Variants in FMO5 observed in about 807,000 individuals in gnomAD.
FMO5 encodes the protein flavin containing dimethylaniline monoxygenase 5.
Under a neutral mutation model 43.6 loss-of-function variants are expected in FMO5, and 51 were observed. The ratio of observed to expected loss-of-function variants is 1.17; its 90% CI spans 0.93 to 1.48. The LOEUF (loss-of-function observed/expected upper bound fraction) is 1.48. Among genes scored for constraint, FMO5 ranks in the 40% most tolerant of loss-of-function variants. The pLI is 0.00. For missense variants in FMO5, 644 were observed against 643.0 expected (o/e 1.00, Z -0.02); for synonymous variants, 187 against 216.5 (o/e 0.86, Z 1.20).
At chr1:147,203,619 T>C in intron 6 of FMO5, 1 of 1,231,840 alleles carries the variant, frequency 8.1e-7, no homozygotes, top group Non-Finnish European at 1.2e-6. Context: ...GCAAACTTCT[T>C]AATAGCGTAC....
chr1:147,209,147 C>G, intron 5 of FMO5, 96 bp from the exon 6 acceptor site: 1 of 996,710 alleles, frequency 1.0e-6, no homozygotes, highest in Non-Finnish European at 1.5e-6. Context: ...AGGCCCGGCG[C>G]GGTGGCTCAC....
At chr1:147,202,339 A>G (rs1182125919) in intron 6 of FMO5, among the ~76,000 whole-genome samples, 1 of 652 alleles carries the variant, frequency 1.5e-3, no homozygotes, top group Middle Eastern at 0.25. Context: ...TTTTTTTGAG[A>G]CAGAGTCTCT....
Position 147,187,068 on chromosome 1 carries a change from A to G in FMO5, c.1434T>C (p.Pro478=), listed in dbSNP as rs1323213912. The G allele has an allele frequency of 1.1e-5, 18 of 1,614,112 alleles. No individual in the cohort carries two copies. The highest frequency in any genetic ancestry group is 1.4e-5 in the Non-Finnish European group (17 of 1,180,022). Residue 478 remains proline (P), a synonymous_variant, in exon 9 of 9, where the codon CCT becomes CCC. Transcript: ENST00000254090. ...CTPIHYRVQG[P]GKWDGARKAI... ...CTTTTCGAGCCCCATCCCACTTTCC[A>G]GGGCCCTGTACACGATAGTGGATTG...
rs1553923897 is a variant in FMO5 at position 147,212,408 on chromosome 1, G to T, written c.615C>A (p.Ser205Arg). Residue 205 changes from serine (S) to arginine (R), a missense_variant, in exon 5 of 9, where the codon AGC becomes AGA. Transcript: ENST00000254090. ...NSGGDLAVEI[S>R]QTAKQVFLST... ...TGATTCAAACCTGCTTGGCTGTTTG[G>T]CTAATCTCTACAGCCAGATCCCCTC... The T allele has an allele frequency of 4.3e-6, 7 of 1,613,916 alleles. No individual in the cohort carries two copies. The highest frequency in any genetic ancestry group is 1.6e-4 in the Middle Eastern group (1 of 6,084).
Position 147,224,994 on chromosome 1 carries a change from T to C in FMO5, c.36A>G (p.Gly12=), listed in dbSNP as rs1340804947. Residue 12 remains glycine (G), a synonymous_variant, in exon 2 of 9, where the codon GGA becomes GGG. Coordinates refer to ENST00000254090, the MANE Select transcript of FMO5 (RefSeq NM_001461.4). ...ACTTGATGGAAGAGAGCCCGCTCAC[T>C]CCTCCCCCAATCACAGCAATTCTTT... is the stretch of plus-strand genomic sequence containing the variant. ...TKKRIAVIGG[G]VSGLSSIKCC... is the part of the protein sequence containing the mutation. 1.7e-5 allele frequency: 27 copies of C among 1,613,638 alleles called. No individual in the cohort carries two copies. Among genetic ancestry groups the C allele is most frequent in the Non-Finnish European group, 2.3e-5 (27 of 1,179,930 alleles).
rs782372330 is a variant in FMO5 at position 147,215,786 on chromosome 1, C to A, written c.292G>T (p.Glu98Ter). The change falls in exon 3 of 9, where the codon GAA becomes TAA. Residue 98 changes from glutamate (E) to a stop codon, truncating the protein, a stop_gained. Transcript: ENST00000254090. LOFTEE classifies it high-confidence loss of function. ...VLEYFRMYAKEFDLLKYIRFK... is the reference protein window; with the variant it reads ...VLEYFRMYAK ...CGAATATACTTTAGAAGGTCAAATT[C>A]TTTGGCATACATCCTGAAATACTCC... 1.9e-6 allele frequency: 3 copies of A among 1,610,310 alleles called. No individual in the cohort carries two copies. The highest frequency in any genetic ancestry group is 3.4e-5 in the Admixed American group (2 of 59,066).
At position 147,203,774 on chromosome 1, in the gene FMO5, T is replaced by C. The variant is rs894297495; in HGVS notation, c.831-2270A>G. On this transcript the variant is annotated intron_variant, in intron 6 of 8. Coordinates refer to ENST00000254090, the MANE Select transcript of FMO5 (RefSeq NM_001461.4). ...ACCATCATCTACTGCCCTTTCTATG[T>C]CATCCATCAGATTGTCTGTAGAGCC... The C allele has an allele frequency of 7.2e-6, 11 of 1,538,328 alleles. No individual in the cohort carries two copies. In the Admixed American group the frequency reaches 1.3e-4, roughly 19 times the overall value.
Position 147,187,093 on chromosome 1 carries a change from G to A in FMO5, c.1409C>T (p.Pro470Leu), listed in dbSNP as rs781893420. The A allele has an allele frequency of 6.2e-7, 1 of 1,614,004 alleles. No individual in the cohort carries two copies. Among genetic ancestry groups the A allele is most frequent in the Non-Finnish European group, 8.5e-7 (1 of 1,180,034 alleles). The change falls in exon 9 of 9, where the codon CCA (proline) becomes CTA (leucine). Residue 470 changes from proline to leucine, a missense_variant. Transcript: ENST00000254090. ...AGGGCCCTGTACACGATAGTGGATT[G>A]GAGTGCAGGGTCCCAGTAATAAGTG... ...ALHLLLGPCT[P>L]IHYRVQGPGK...
intron 2 of FMO5, 105 bp downstream of exon 2, chr1:147,224,790 G>A (rs918624054): frequency 1.9e-5 from 21 of 1,079,544 alleles, no homozygotes; most frequent in African/African-American, 9.3e-5. Context: ...GATTACAGGC[G>A]TGTGCCAACC....
At chr1:147,206,144 C>T (rs2101887926) in intron 6 of FMO5, among the ~76,000 whole-genome samples, 1 of 150,694 alleles carries the variant, frequency 6.6e-6, no homozygotes, top group African/African-American at 2.5e-5. Flanking sequence ...GACATTTATG[C>T]AGCCAACAGA....
rs191096932 is a variant in FMO5 at position 147,199,014 on chromosome 1, A to C, written c.1183+2138T>G. Among the ~76,000 whole-genome samples the C allele has an allele frequency of 2.1e-3, 323 of 152,290 alleles. 2 individuals carry two copies. Among genetic ancestry groups the C allele is most frequent in the Non-Finnish European group, 3.1e-3 (212 of 68,016 alleles). ...AGTTTTGAAGGAAAGAAAGTTGCTG[A>C]GTGAAAATAAAACACTTGCAAGGGC... is the stretch of plus-strand genomic sequence containing the variant. On this transcript the variant is annotated intron_variant, in intron 7 of 8. Coordinates refer to ENST00000254090, the MANE Select transcript of FMO5 (RefSeq NM_001461.4).
intron 6 of FMO5, chr1:147,204,752 C>G: frequency 6.5e-7 from 1 of 1,531,322 alleles, no homozygotes; most frequent in East Asian, 2.2e-5. Flanking sequence ...AACAACTTCT[C>G]CAAGTGGTTG....
intron 4 of FMO5, 68 bp downstream of exon 4, chr1:147,213,240 C>T (rs1661377489): frequency 7.8e-7 from 1 of 1,274,644 alleles, no homozygotes; most frequent in South Asian, 1.8e-5. Flanking sequence ...AGACCACAAT[C>T]CTCCCATTCC....
intron 2 of FMO5, among the ~76,000 whole-genome samples, chr1:147,222,146 G>A (rs890878630): frequency 6.6e-6 from 1 of 152,196 alleles, no homozygotes; most frequent in African/African-American, 2.4e-5. Context: ...GAGGTGAGCA[G>A]ATCACTTGAG....
intron 6 of FMO5, among the ~76,000 whole-genome samples, chr1:147,206,937 A>T (rs1411943559): frequency 1.9e-4 from 29 of 151,662 alleles, no homozygotes; most frequent in African/African-American, 6.1e-4. Context: ...GTATAATAAA[A>T]ATATATATAT....
chr1:147,208,790 G>T, intron 6 of FMO5, 62 bp downstream of exon 6: 1 of 1,398,602 alleles, frequency 7.2e-7, no homozygotes, highest in Non-Finnish European at 1.0e-6. Flanking sequence ...ATTAGCCAGT[G>T]TGAAGAGTCC....
chr1:147,215,457 T>C (rs971380954), intron 3 of FMO5: 2 of 289,144 alleles, frequency 6.9e-6, no homozygotes, highest in African/African-American at 2.2e-5. Context: ...CCTTCTGTAA[T>C]GGGGAAAACA....
At chr1:147,195,641 A>G (rs1183671490) in intron 7 of FMO5, among the ~76,000 whole-genome samples, 1 of 152,174 alleles carries the variant, frequency 6.6e-6, no homozygotes, top group Non-Finnish European at 1.5e-5. Context: ...GCTTAATAGT[A>G]TTTAAGCCAG....
chr1:147,205,958 C>G (rs1659950187), intron 6 of FMO5, among the ~76,000 whole-genome samples: 1 of 152,076 alleles, frequency 6.6e-6, no homozygotes, highest in Non-Finnish European at 1.5e-5. Context: ...GCAAAAGAAA[C>G]TACCATCAAA....
Sources: allele counts gnomAD v4.1 joint callset (sites outside exome capture counted in the v4.1 genomes callset), GRCh38; gene constraint gnomAD v4.1.1; transcripts MANE v1.5; gene names NCBI Gene and HGNC (gene_info 2026-07-23, HGNC 2026-07-21).